ZCWPW2: variants seen among roughly 807,000 people sequenced by gnomAD.
ZCWPW2 encodes zinc finger CW-type and PWWP domain containing 2.
A neutral mutation model predicts 46.6 loss-of-function variants in ZCWPW2; 45 were observed. The observed-to-expected ratio is 0.96, with a 90% CI of 0.76 to 1.24. The LOEUF (loss-of-function observed/expected upper bound fraction) is 1.24, where lower values mean the gene tolerates loss of function less well. Ranked by LOEUF, ZCWPW2 falls within the 50% of genes most tolerant of loss-of-function variation. The pLI, the probability that ZCWPW2 is intolerant of heterozygous loss-of-function variation, is 0.00. For synonymous variants in ZCWPW2, 152 were observed against 137.1 expected (o/e 1.11, Z -0.76); for missense variants, 429 against 403.9 (o/e 1.06, Z -0.53).
intron 9 of ZCWPW2, 143 bp from the exon 10 acceptor site, chr3:28,524,384 A>G: frequency 1.3e-6 from 1 of 777,444 alleles, no homozygotes; most frequent in Non-Finnish European, 2.1e-6. Context: ...GCATTATACT[A>G]TATATAGTGA....
Position 28,384,534 on chromosome 3 carries a change from T to C in ZCWPW2, c.-133-5964T>C, listed in dbSNP as rs962438834. On this transcript the variant is annotated intron_variant, in intron 1 of 9. Transcript: ENST00000383768. The stretch of plus-strand genomic sequence containing the variant: ...TGGTTACTTGCCTTTCAATTTACTT[T>C]ATGGTTTTAATTTTTCAGTGTACCT... Among the ~76,000 whole-genome samples the C allele has an allele frequency of 3.3e-5, 5 of 152,284 alleles. No individual in the cohort carries two copies. The South Asian group carries it at 8.3e-4, about 25-fold the overall frequency.
intron 2 of ZCWPW2, among the ~76,000 whole-genome samples, chr3:28,396,379 G>A (rs548772165): frequency 1.6e-4 from 25 of 152,156 alleles, no homozygotes; most frequent in African/African-American, 5.3e-4. Context: ...AGGTAGGCAG[G>A]ACACAAATAA....
chr3:28,508,217 C>T (rs1700331021), intron 6 of ZCWPW2, among the ~76,000 whole-genome samples: 1 of 152,078 alleles, frequency 6.6e-6, no homozygotes, highest in Admixed American at 6.6e-5. Context: ...ACCCCTATAA[C>T]CCAAACACCT....
chr3:28,411,513 G>C (rs1696398464), intron 2 of ZCWPW2, among the ~76,000 whole-genome samples: 1 of 151,746 alleles, frequency 6.6e-6, no homozygotes, highest in Admixed American at 6.6e-5. Flanking sequence ...TGTTATATCT[G>C]TCTTAGCCAC....
chr3:28,387,872 A>T (rs1339514199), intron 1 of ZCWPW2, among the ~76,000 whole-genome samples: 1 of 152,178 alleles, frequency 6.6e-6, no homozygotes, highest in Non-Finnish European at 1.5e-5. Flanking sequence ...GCTAGATTTC[A>T]GTAAGAGAGT....
chr3:28,355,652 A>T (rs1360650848), intron 1 of ZCWPW2, among the ~76,000 whole-genome samples: 1 of 152,254 alleles, frequency 6.6e-6, no homozygotes, highest in Non-Finnish European at 1.5e-5. Flanking sequence ...CAAAACAGAG[A>T]TGTAGACCAA....
chr3:28,489,507 T>C (rs1222585155), intron 5 of ZCWPW2, among the ~76,000 whole-genome samples: 2 of 152,048 alleles, frequency 1.3e-5, no homozygotes, highest in African/African-American at 4.8e-5. Flanking sequence ...TATTTCCAAC[T>C]ATGTTAAAAA....
At chr3:28,424,958 CTAAT>C (rs1366631649) in intron 3 of ZCWPW2, among the ~76,000 whole-genome samples, 2 of 152,110 alleles carry the variant, frequency 1.3e-5, no homozygotes, top group African/African-American at 4.8e-5. Context: ...TTTCTTGTCT[CTAAT>C]TAACATTTTG....
intron 5 of ZCWPW2, among the ~76,000 whole-genome samples, chr3:28,484,802 C>T (rs975968000): frequency 2.7e-5 from 4 of 150,658 alleles, no homozygotes; most frequent in Admixed American, 6.6e-5. Flanking sequence ...TCCTTCTTGC[C>T]TGCCTGCCTG....
At chr3:28,508,304 G>A (rs570454743) in intron 6 of ZCWPW2, among the ~76,000 whole-genome samples, 2 of 151,934 alleles carry the variant, frequency 1.3e-5, no homozygotes, top group Non-Finnish European at 2.9e-5. Context: ...CAAAATTATT[G>A]CACCAATATT....
intron 2 of ZCWPW2, among the ~76,000 whole-genome samples, chr3:28,400,144 A>C (rs997497624): frequency 6.6e-6 from 1 of 152,186 alleles, no homozygotes; most frequent in Non-Finnish European, 1.5e-5. Flanking sequence ...AATGCTCTGG[A>C]AAGTCTCAGC....
At chr3:28,353,083 C>G (rs1055786081) in intron 1 of ZCWPW2, among the ~76,000 whole-genome samples, 3 of 151,956 alleles carry the variant, frequency 2.0e-5, no homozygotes, top group African/African-American at 7.3e-5. Flanking sequence ...CCTGGGGAGG[C>G]TCAGGCACGA....
At chr3:28,495,915 G>A (rs1040638649) in intron 6 of ZCWPW2, among the ~76,000 whole-genome samples, 1 of 151,950 alleles carries the variant, frequency 6.6e-6, no homozygotes, top group Admixed American at 6.6e-5. Flanking sequence ...ATGGAACAGG[G>A]CTGTGTAAAA....
At position 28,451,850 on chromosome 3, in the gene ZCWPW2, A is replaced by G. The variant is rs375681337; in HGVS notation, c.492+16581A>G. Among the ~76,000 whole-genome samples the G allele has an allele frequency of 6.8e-4, 103 of 152,292 alleles. 3 individuals carry two copies. The highest frequency in any genetic ancestry group is 2.3e-3 in the African/African-American group (96 of 41,554). ...TGGAAAAATACGTTGGAAAATAAAA[A>G]CTAAAAACTAAAAAACTCTTGCACC... On this transcript the variant is annotated intron_variant, in intron 4 of 9. Coordinates refer to ENST00000383768, the MANE Select transcript of ZCWPW2 (RefSeq NM_001040432.4).
chr3:28,463,693 A>C (rs1698724331), intron 4 of ZCWPW2, among the ~76,000 whole-genome samples: 1 of 152,018 alleles, frequency 6.6e-6, no homozygotes, highest in South Asian at 2.1e-4. Flanking sequence ...AACATACAGA[A>C]ATTTTTTGGT....
In ZCWPW2 at chr3:28,473,994, T is replaced by C. The variant is rs143941672; in HGVS notation, c.493-4820T>C. Among the ~76,000 whole-genome samples the C allele has an allele frequency of 2.5e-3, 377 of 152,274 alleles. 1 individual carries two copies. The highest frequency in any genetic ancestry group is 8.3e-3 in the African/African-American group (344 of 41,550). The stretch of plus-strand genomic sequence containing the variant: ...GTGACTATAGTTAAAAATGATTTAA[T>C]TTTACATTTAAAAATAACTAAAGAG... On this transcript the variant is annotated intron_variant, in intron 4 of 9. Transcript: ENST00000383768.
intron 6 of ZCWPW2, among the ~76,000 whole-genome samples, chr3:28,508,220 A>G (rs1330133227): frequency 6.6e-6 from 1 of 152,108 alleles, no homozygotes; most frequent in Non-Finnish European, 1.5e-5. Context: ...CCTATAACCC[A>G]AACACCTCCC....
intron 2 of ZCWPW2, among the ~76,000 whole-genome samples, chr3:28,390,932 A>G (rs1009008621): frequency 1.3e-5 from 2 of 152,120 alleles, no homozygotes; most frequent in South Asian, 4.1e-4. Context: ...GGGAATTCAT[A>G]TCTGCTGTCT....
chr3:28,474,781 C>T (rs1476755547), intron 4 of ZCWPW2, among the ~76,000 whole-genome samples: 1 of 151,024 alleles, frequency 6.6e-6, no homozygotes, highest in South Asian at 2.1e-4. Context: ...ATTGAGAAGT[C>T]TCATGTCAGT....
Sources: allele counts gnomAD v4.1 joint callset (sites outside exome capture counted in the v4.1 genomes callset), GRCh38; gene constraint gnomAD v4.1.1; transcripts MANE v1.5; gene names NCBI Gene and HGNC (gene_info 2026-07-23, HGNC 2026-07-21).